Variants in IKBKB-DT observed in about 807,000 individuals in gnomAD.
IKBKB-DT encodes the protein IKBKB divergent transcript, also known as IKBKB antisense RNA.
chr8:42,265,939 T>C (rs989295963), exon 2 of IKBKB-DT, among the ~76,000 whole-genome samples: 5 of 152,248 alleles, frequency 3.3e-5, no homozygotes, highest in African/African-American at 9.6e-5. Context: ...GCCAATTTCC[T>C]TTCCTTCCTC....
chr8:42,247,313 G>C (rs796775997), intron 3 of IKBKB-DT, among the ~76,000 whole-genome samples: 12 of 152,284 alleles, frequency 7.9e-5, no homozygotes, highest in African/African-American at 2.6e-4. Context: ...CTGGATTTCG[G>C]ACTTGCATAG....
intron 3 of IKBKB-DT, among the ~76,000 whole-genome samples, chr8:42,251,010 C>T (rs1807122613): frequency 6.6e-6 from 1 of 152,198 alleles, no homozygotes; most frequent in African/African-American, 2.4e-5. Context: ...TTTGGGAGGC[C>T]AAGGTGGGCA....
Position 42,249,993 on chromosome 8 carries a change from C to T in IKBKB-DT, n.1529+13336G>A, listed in dbSNP as rs150903121. On this transcript the variant is annotated intron_variant and non_coding_transcript_variant, in intron 3 of 3. Coordinates refer to ENST00000518213, the Ensembl canonical transcript of IKBKB-DT. ...TTCTTGTCCACTGCCCAGATAGAGC[C>T]AATTTATCAAGGCAGGGGAATTGCA... is the stretch of plus-strand genomic sequence containing the variant. 2.0e-5 allele frequency among the ~76,000 whole-genome samples: 3 copies of T among 152,056 alleles called. No homozygotes were observed. The East Asian group carries it at 5.8e-4, about 29-fold the overall frequency.
chr8:42,238,024 C>CAAAAAAAAAAAA (rs35087510), intron 3 of IKBKB-DT, among the ~76,000 whole-genome samples: 1 of 35,256 alleles, frequency 2.8e-5, no homozygotes, highest in Non-Finnish European at 8.4e-5. Context: ...GGCCCTCTCT[C>CAAAAAAAAAAAA]AAAAAAAAAA....
At chr8:42,252,509 G>T in intron 3 of IKBKB-DT, among the ~76,000 whole-genome samples, 1 of 152,188 alleles carries the variant, frequency 6.6e-6, no homozygotes, top group Middle Eastern at 3.4e-3. Context: ...GGGACTACCG[G>T]TGCGTGCCAC....
At chr8:42,235,296 C>T (rs1198144947) in intron 3 of IKBKB-DT, among the ~76,000 whole-genome samples, 1 of 146,394 alleles carries the variant, frequency 6.8e-6, no homozygotes, top group Non-Finnish European at 1.5e-5. Context: ...CCTCTGCTTT[C>T]CAGGTTCAAG....
chr8:42,264,109 G>A (rs1017191376), intron 2 of IKBKB-DT, among the ~76,000 whole-genome samples: 17 of 150,414 alleles, frequency 1.1e-4, no homozygotes, highest in African/African-American at 3.9e-4. Context: ...ACTACGCCCA[G>A]CTGGGCTTTT....
intron 3 of IKBKB-DT, among the ~76,000 whole-genome samples, chr8:42,253,175 A>G (rs1585464582): frequency 6.6e-6 from 1 of 152,178 alleles, no homozygotes; most frequent in Admixed American, 6.5e-5. Flanking sequence ...ACAATCTTTT[A>G]TCTTAACCTG....
At chr8:42,271,231 G>A (rs976081836) in exon 1 of IKBKB-DT, 2 of 646,160 alleles carry the variant, frequency 3.1e-6, no homozygotes, top group Non-Finnish European at 5.6e-6. Context: ...CGCAGCACTC[G>A]CAGCATCCGG....
At chr8:42,260,668 CAAA>C (rs771731696) in intron 3 of IKBKB-DT, among the ~76,000 whole-genome samples, 1,223 of 44,792 alleles carry the variant, frequency 0.027, 7 homozygotes, top group Middle Eastern at 0.062. Flanking sequence ...GACTCTGTCT[CAAA>C]AAAAAAAAAA....
intron 3 of IKBKB-DT, among the ~76,000 whole-genome samples, chr8:42,234,833 T>C (rs1187101003): frequency 3.9e-5 from 6 of 152,156 alleles, no homozygotes; most frequent in Non-Finnish European, 8.8e-5. Flanking sequence ...TTTCACCATG[T>C]TGGTGAGGCT....
intron 3 of IKBKB-DT, among the ~76,000 whole-genome samples, chr8:42,235,466 T>C (rs968720015): frequency 3.3e-5 from 5 of 152,050 alleles, no homozygotes; most frequent in African/African-American, 9.7e-5. Context: ...TGGTCTCCCA[T>C]ATTGCTGAGA....
intron 1 of IKBKB-DT, among the ~76,000 whole-genome samples, chr8:42,267,853 C>G (rs1458880046): frequency 6.6e-6 from 1 of 152,104 alleles, no homozygotes; most frequent in Non-Finnish European, 1.5e-5. Flanking sequence ...GAGGCCCCTT[C>G]CTGGTCCATG....
At chr8:42,246,403 G>A (rs759968525) in intron 3 of IKBKB-DT, among the ~76,000 whole-genome samples, 5 of 152,190 alleles carry the variant, frequency 3.3e-5, no homozygotes, top group Admixed American at 6.5e-5. Context: ...GACTTTGTCA[G>A]AGTTTCACTT....
chr8:42,247,414 C>T (rs1807077390), intron 3 of IKBKB-DT, among the ~76,000 whole-genome samples: 1 of 152,146 alleles, frequency 6.6e-6, no homozygotes, highest in Non-Finnish European at 1.5e-5. Context: ...TAGGAAGTAA[C>T]TAACTTGCTT....
At chr8:42,241,610 T>C (rs1242069865) in intron 3 of IKBKB-DT, among the ~76,000 whole-genome samples, 1 of 152,148 alleles carries the variant, frequency 6.6e-6, no homozygotes, top group African/African-American at 2.4e-5. Context: ...AACGCTGAGA[T>C]GTTAGAACTA....
chr8:42,248,173 T>G (rs1807085885), intron 3 of IKBKB-DT, among the ~76,000 whole-genome samples: 1 of 152,024 alleles, frequency 6.6e-6, no homozygotes, highest in Admixed American at 6.6e-5. Flanking sequence ...TGTGGAACTG[T>G]GAATCAATTA....
At position 42,245,974 on chromosome 8, in the gene IKBKB-DT, A is replaced by G. The variant is rs184395553; in HGVS notation, n.1530-12115T>C. On this transcript the variant is annotated intron_variant and non_coding_transcript_variant, in intron 3 of 3. Transcript: ENST00000518213. The stretch of plus-strand genomic sequence containing the variant: ...AATTAAGAAGTGATACATCAATCCA[A>G]TGGAATATGATCCTGCTGTTAAAAA... Among the ~76,000 whole-genome samples the G allele has an allele frequency of 3.2e-3, 491 of 152,302 alleles. 2 individuals carry two copies. The highest frequency in any genetic ancestry group is 3.8e-3 in the Non-Finnish European group (258 of 68,020).
At chr8:42,246,685 C>G (rs901927524) in intron 3 of IKBKB-DT, among the ~76,000 whole-genome samples, 1 of 152,194 alleles carries the variant, frequency 6.6e-6, no homozygotes, top group African/African-American at 2.4e-5. Flanking sequence ...TAGGAGAAAA[C>G]AGCTTCTTAA....
Sources: gnomAD v4.1 joint callset for allele counts (sites outside exome capture counted in the v4.1 genomes callset) on GRCh38, gnomAD v4.1.1 for gene constraint, MANE v1.5 for transcripts, NCBI Gene and HGNC (gene_info 2026-07-23, HGNC 2026-07-21) for gene names.